The following ODAD2 variants were observed in gnomAD, a reference collection of about 807,000 sequenced individuals.
The protein encoded by ODAD2 is outer dynein arm docking complex subunit 2.
In ODAD2, 89 loss-of-function variants were observed where a neutral mutation model predicts 106.8. That is an observed-to-expected ratio of 0.83 (90% CI 0.70 to 0.99). The LOEUF is 0.99. Ranked by LOEUF, ODAD2 falls within the 50% of genes least tolerant of loss-of-function variation. ODAD2 has a pLI of 0.00. For synonymous variants in ODAD2, 404 were observed against 436.2 expected (o/e 0.93, Z 0.92); for missense variants, 1,168 against 1,238.5 (o/e 0.94, Z 0.85).
At chr10:27,847,322 C>T (rs1838852711) in intron 19 of ODAD2, among the ~76,000 whole-genome samples, 1 of 152,140 alleles carries the variant, frequency 6.6e-6, no homozygotes, top group African/African-American at 2.4e-5. Flanking sequence ...AAGACAAAAA[C>T]CACATGATTA....
intron 16 of ODAD2, among the ~76,000 whole-genome samples, chr10:27,922,770 G>A (rs1844886125): frequency 1.3e-5 from 2 of 152,126 alleles, no homozygotes; most frequent in African/African-American, 4.8e-5. Context: ...GCTAGGCATA[G>A]TGGTGCATGC....
chr10:27,937,640 T>C (rs1368435861), intron 14 of ODAD2, among the ~76,000 whole-genome samples: 1 of 152,168 alleles, frequency 6.6e-6, no homozygotes, highest in Non-Finnish European at 1.5e-5. Flanking sequence ...AGCAGAGACT[T>C]GGCAATTACT....
intron 17 of ODAD2, among the ~76,000 whole-genome samples, chr10:27,876,080 A>C (rs1841320233): frequency 6.6e-6 from 1 of 152,186 alleles, no homozygotes; most frequent in African/African-American, 2.4e-5. Context: ...ACTGCAGCTC[A>C]AGGATGCCTG....
rs190997541 is a variant in ODAD2 at position 27,979,140 on chromosome 10, G to C, written c.936+2326C>G. 2.0e-3 allele frequency among the ~76,000 whole-genome samples: 306 copies of C among 151,008 alleles called. 2 individuals carry two copies. Among genetic ancestry groups the C allele is most frequent in the African/African-American group, 7.1e-3 (293 of 41,132 alleles). ...CACGAGAATCACTTGAACCCGGGAG[G>C]GGAGGTGAAGGTTGCAGCGAGCCAA... On this transcript the variant is annotated intron_variant, in intron 7 of 19. Coordinates refer to ENST00000305242, the MANE Select transcript of ODAD2 (RefSeq NM_018076.5).
chr10:27,907,326 T>C (rs1843671131), intron 17 of ODAD2, among the ~76,000 whole-genome samples: 1 of 152,148 alleles, frequency 6.6e-6, no homozygotes, highest in African/African-American at 2.4e-5. Flanking sequence ...GCACTCTCTC[T>C]GGATAGCAGG....
At chr10:27,910,468 C>T (rs945244160) in intron 16 of ODAD2, among the ~76,000 whole-genome samples, 1 of 152,024 alleles carries the variant, frequency 6.6e-6, no homozygotes, top group Non-Finnish European at 1.5e-5. Context: ...ATAACAGATA[C>T]ACTTGGGTCA....
chr10:27,894,884 C>T (rs1177602102), intron 17 of ODAD2, among the ~76,000 whole-genome samples: 4 of 152,018 alleles, frequency 2.6e-5, no homozygotes, highest in Non-Finnish European at 5.9e-5. Context: ...ATTTTTGTTT[C>T]ACTCAACCTC....
intron 17 of ODAD2, among the ~76,000 whole-genome samples, chr10:27,902,024 C>G (rs1476886365): frequency 6.6e-6 from 1 of 152,182 alleles, no homozygotes; most frequent in African/African-American, 2.4e-5. Context: ...CACCACATCA[C>G]ACTTATTCTA....
rs866425433 is a variant in ODAD2, at chr10:27,936,838, C to T, written c.2140G>A (p.Gly714Arg). 1.2e-6 allele frequency: 2 copies of T among 1,613,682 alleles called. No homozygotes were observed. Among genetic ancestry groups the T allele is most frequent in the Non-Finnish European group, 1.7e-6 (2 of 1,179,870 alleles). Residue 714 changes from glycine (G) to arginine (R), a missense_variant, in exon 15 of 20, where the codon GGA becomes AGA. Transcript: ENST00000305242. ...AGACTGGCCAAGGGCTTAAGTCCTC[C>T]GTGCAGCCTAACGAGGTCCCGGGTT... is the stretch of plus-strand genomic sequence containing the variant. The part of the protein sequence containing the change: ...KETRDLVRLH[G>R]GLKPLASLLN...
chr10:27,856,359 C>A (rs775237399), intron 19 of ODAD2, among the ~76,000 whole-genome samples: 7 of 152,098 alleles, frequency 4.6e-5, no homozygotes, highest in African/African-American at 1.2e-4. Flanking sequence ...TCCTTGTTGA[C>A]CTCTTACCAG....
At chr10:27,865,076 C>T (rs1840345016) in intron 17 of ODAD2, among the ~76,000 whole-genome samples, 1 of 152,088 alleles carries the variant, frequency 6.6e-6, no homozygotes. Context: ...AACCCCTGCC[C>T]TTAGGATAAA....
intron 19 of ODAD2, among the ~76,000 whole-genome samples, chr10:27,857,517 T>G (rs935970956): frequency 1.3e-5 from 2 of 152,220 alleles, no homozygotes; most frequent in Non-Finnish European, 2.9e-5. Context: ...TTTCACTGTT[T>G]CCTTTTATCT....
intron 16 of ODAD2, among the ~76,000 whole-genome samples, chr10:27,925,380 C>A (rs982230421): frequency 6.6e-6 from 1 of 152,192 alleles, no homozygotes; most frequent in Non-Finnish European, 1.5e-5. Flanking sequence ...GTTTTTGAGG[C>A]AAGGCCTCAC....
At chr10:27,884,381 A>G (rs1014654166) in intron 17 of ODAD2, among the ~76,000 whole-genome samples, 1 of 152,052 alleles carries the variant, frequency 6.6e-6, no homozygotes, top group African/African-American at 2.4e-5. Flanking sequence ...ACCACAAAAA[A>G]CCCACACTTG....
At position 27,989,726 on chromosome 10, in the gene ODAD2, T is replaced by C. The variant is rs1224926471; in HGVS notation, c.225-2183A>G. Among the ~76,000 whole-genome samples the C allele has an allele frequency of 2.6e-5, 4 of 152,184 alleles. No homozygotes were observed. The East Asian group carries it at 7.7e-4, about 29-fold the overall frequency. The stretch of plus-strand genomic sequence containing the variant: ...TAACCAGGCATGGTGGCACGTGCTT[T>C]GGTCCCAGCTACTTGGGAGGCTGAG... On this transcript the variant is annotated intron_variant, in intron 2 of 19. Coordinates refer to ENST00000305242, the MANE Select transcript of ODAD2 (RefSeq NM_018076.5).
rs775756526 is a variant in ODAD2 at position 27,994,948 on chromosome 10, G to C, written c.195C>G (p.Pro65=). The change falls in exon 2 of 20, where the codon CCC becomes CCG. Residue 65 remains proline, a synonymous_variant. Transcript: ENST00000305242. ...CAACATAACCTGATTCAAATGCTGA[G>C]GGCGCCAAACTTGTGTTCCATTCAA... The part of the protein sequence containing the change: ...EPLEWNTSLA[P]SAFESGYVVS... 1.9e-6 allele frequency: 3 copies of C among 1,614,016 alleles called. No individual in the cohort carries two copies. The African/African-American group carries it at 4.0e-5, about 22-fold the overall frequency.
At chr10:27,944,094 C>T in intron 12 of ODAD2, 128 bp downstream of exon 12, 1 of 766,646 alleles carries the variant, frequency 1.3e-6, no homozygotes. Flanking sequence ...GCAAGCGATA[C>T]AGACAGAAGG....
intron 17 of ODAD2, among the ~76,000 whole-genome samples, chr10:27,868,810 C>T (rs1840645024): frequency 6.6e-6 from 1 of 151,718 alleles, no homozygotes; most frequent in African/African-American, 2.4e-5. Flanking sequence ...CCTGCACATT[C>T]TGCACATGTA....
intron 17 of ODAD2, among the ~76,000 whole-genome samples, chr10:27,891,844 C>T (rs1842584644): frequency 6.6e-6 from 1 of 152,080 alleles, no homozygotes; most frequent in Non-Finnish European, 1.5e-5. Flanking sequence ...TGATACGACA[C>T]AATTAAATTT....
Sources: allele counts gnomAD v4.1 joint callset (sites outside exome capture counted in the v4.1 genomes callset), GRCh38; gene constraint gnomAD v4.1.1; transcripts MANE v1.5; gene names NCBI Gene and HGNC (gene_info 2026-07-23, HGNC 2026-07-21).